Variants in CACNA2D3 observed in about 807,000 individuals in gnomAD.
The protein encoded by CACNA2D3 is voltage-dependent calcium channel subunit alpha-2/delta-3.
A neutral mutation model predicts 160.6 loss-of-function variants in CACNA2D3; 60 were observed. That is an observed-to-expected ratio of 0.37 (90% confidence interval 0.30 to 0.46). CACNA2D3 has a LOEUF of 0.46. Ranked by LOEUF, CACNA2D3 falls within the 20% of genes least tolerant of loss-of-function variation. CACNA2D3 has a pLI of 1.00. For synonymous variants in CACNA2D3, 558 were observed against 492.9 expected (o/e 1.13, Z -1.75); for missense variants, 1,205 against 1,365.0 (o/e 0.88, Z 1.85).
chr3:54,205,915 T>C (rs1701268118), intron 2 of CACNA2D3, among the ~76,000 whole-genome samples: 1 of 152,208 alleles, frequency 6.6e-6, no homozygotes, highest in Non-Finnish European at 1.5e-5. Context: ...ATATTTAAAA[T>C]TGTAAGTACG....
intron 27 of CACNA2D3, among the ~76,000 whole-genome samples, chr3:54,952,508 T>C (rs1701782813): frequency 1.3e-5 from 2 of 152,212 alleles, no homozygotes. Flanking sequence ...TGCAAGAAAA[T>C]GTGGACTTAC....
chr3:54,746,525 A>G (rs1264175215), intron 11 of CACNA2D3, among the ~76,000 whole-genome samples: 1 of 152,230 alleles, frequency 6.6e-6, no homozygotes, highest in Non-Finnish European at 1.5e-5. Flanking sequence ...TCAGGAAGGC[A>G]TGCCTAATAC....
At chr3:54,198,276 G>A (rs1440326355) in intron 2 of CACNA2D3, among the ~76,000 whole-genome samples, 1 of 152,200 alleles carries the variant, frequency 6.6e-6, no homozygotes, top group Non-Finnish European at 1.5e-5. Flanking sequence ...CAGTGAACCC[G>A]CCATTGCCTG....
At chr3:54,896,529 C>G in intron 25 of CACNA2D3, 1 of 524,428 alleles carries the variant, frequency 1.9e-6, no homozygotes. Flanking sequence ...AAGGAAAAAT[C>G]ATTTTACCCA....
At chr3:54,737,483 G>A (rs887837701) in intron 11 of CACNA2D3, among the ~76,000 whole-genome samples, 5 of 152,112 alleles carry the variant, frequency 3.3e-5, no homozygotes, top group African/African-American at 1.2e-4. Context: ...AAGAACTTCA[G>A]GTGTCAAAGG....
At chr3:54,291,582 GA>G (rs1404287117) in intron 2 of CACNA2D3, among the ~76,000 whole-genome samples, 1 of 152,112 alleles carries the variant, frequency 6.6e-6, no homozygotes, top group Non-Finnish European at 1.5e-5. Context: ...TATGGACTAG[GA>G]AAAAGTGTGC....
chr3:54,202,663 A>G (rs866219887), intron 2 of CACNA2D3, among the ~76,000 whole-genome samples: 2 of 152,196 alleles, frequency 1.3e-5, no homozygotes, highest in Non-Finnish European at 2.9e-5. Flanking sequence ...AAGAGAAACA[A>G]TGTATACAAA....
At chr3:54,950,418 C>A (rs1515953) in intron 27 of CACNA2D3, among the ~76,000 whole-genome samples, 2 of 151,996 alleles carry the variant, frequency 1.3e-5, no homozygotes, top group South Asian at 4.2e-4. Flanking sequence ...TTTAGGGAAC[C>A]TGTGTATGCT....
intron 9 of CACNA2D3, among the ~76,000 whole-genome samples, chr3:54,598,240 G>A (rs1432019803): frequency 2.8e-5 from 4 of 143,458 alleles, no homozygotes; most frequent in African/African-American, 2.6e-5. Context: ...CCTGGGAGGC[G>A]GAGGTTGCAG....
chr3:54,303,823 T>TTGTTTTG (rs1339825616), intron 2 of CACNA2D3, among the ~76,000 whole-genome samples: 2 of 111,240 alleles, frequency 1.8e-5, no homozygotes, highest in Non-Finnish European at 3.9e-5. Context: ...TTTCTGTTTT[T>TTGTTTTG]TTTTTTTTTT....
chr3:54,355,807 G>C (rs1698639361), intron 3 of CACNA2D3, among the ~76,000 whole-genome samples: 1 of 152,188 alleles, frequency 6.6e-6, no homozygotes, highest in South Asian at 2.1e-4. Context: ...CAAACAGGAA[G>C]AGAGAAGAAG....
At chr3:54,702,083 T>G (rs1213696194) in intron 11 of CACNA2D3, among the ~76,000 whole-genome samples, 1 of 152,180 alleles carries the variant, frequency 6.6e-6, no homozygotes, top group Non-Finnish European at 1.5e-5. Context: ...ACCAGGCCCT[T>G]TCTTTTCACC....
intron 9 of CACNA2D3, among the ~76,000 whole-genome samples, chr3:54,586,279 AAG>A (rs1702760408): frequency 1.3e-5 from 2 of 151,560 alleles, no homozygotes; most frequent in African/African-American, 2.4e-5. Context: ...AAAAAAAAAA[AAG>A]AAACTCATTT....
chr3:54,372,471 C>T lies in CACNA2D3; in HGVS notation c.322-14244C>T, dbSNP rs188032580. 2.4e-3 allele frequency among the ~76,000 whole-genome samples: 372 copies of T among 152,088 alleles called. 4 individuals carry two copies. Among genetic ancestry groups the T allele is most frequent in the African/African-American group, 8.2e-3 (339 of 41,470 alleles). The stretch of plus-strand genomic sequence containing the variant: ...AAAATACGAGCAAAACATTATGAGC[C>T]CCTAGAACCATGCACGGGGTACAGG... On this transcript the variant is annotated intron_variant, in intron 3 of 37. Transcript: ENST00000474759.
chr3:54,999,788 T>C (rs146038500), intron 31 of CACNA2D3, among the ~76,000 whole-genome samples: 1 of 152,316 alleles, frequency 6.6e-6, no homozygotes, highest in East Asian at 1.9e-4. Flanking sequence ...ATATTTTTCT[T>C]GGTCAGGATT....
chr3:54,905,822 C>G (rs564532500), intron 27 of CACNA2D3, among the ~76,000 whole-genome samples: 8 of 152,168 alleles, frequency 5.3e-5, no homozygotes, highest in Non-Finnish European at 4.4e-5. Context: ...TTGGGTTAAA[C>G]TGACAGGTAA....
At chr3:54,350,982 G>GTTTTTT (rs1491034355) in intron 3 of CACNA2D3, among the ~76,000 whole-genome samples, 5 of 61,796 alleles carry the variant, frequency 8.1e-5, no homozygotes, top group African/African-American at 1.3e-4. Context: ...TTTTTTTTTT[G>GTTTTTT]TTTGTTTTTT....
chr3:54,388,049 A>C (rs1029649302), intron 4 of CACNA2D3, among the ~76,000 whole-genome samples: 3 of 152,184 alleles, frequency 2.0e-5, no homozygotes, highest in African/African-American at 7.2e-5. Flanking sequence ...GTGATCAAGG[A>C]AAGTTTAATT....
At chr3:54,184,389 C>T (rs1700841401) in intron 2 of CACNA2D3, among the ~76,000 whole-genome samples, 1 of 152,230 alleles carries the variant, frequency 6.6e-6, no homozygotes, top group South Asian at 2.1e-4. Context: ...CCCCCATCCT[C>T]CCATCACCAA....
Sources: allele counts gnomAD v4.1 joint callset (sites outside exome capture counted in the v4.1 genomes callset), GRCh38; gene constraint gnomAD v4.1.1; transcripts MANE v1.5; gene names NCBI Gene and HGNC (gene_info 2026-07-23, HGNC 2026-07-21).